Variants in AATK observed in about 807,000 individuals in gnomAD.
The protein encoded by AATK is lemur tail kinase 1, also known as serine/threonine-protein kinase LMTK1.
AATK carries 91 observed loss-of-function variants against 114.3 expected under a neutral mutation model. The observed-to-expected ratio is 0.80, with a 90% CI of 0.67 to 0.95. The LOEUF is 0.95. Ranked by LOEUF, AATK falls within the 40% of genes least tolerant of loss-of-function variation. The probability of loss-of-function intolerance (pLI) is 0.00; values close to 1 mark genes in which losing one functional copy is unlikely to be tolerated. For missense variants in AATK, 2,176 were observed against 1,965.2 expected, an observed-to-expected ratio of 1.11 and a Z score of -2.03; for synonymous variants, 1,075 against 916.5, an observed-to-expected ratio of 1.17 and a Z score of -3.12.
At position 81,122,009 on chromosome 17, in the gene AATK, G is replaced by T; in HGVS notation, c.1927C>A (p.Leu643Met). 6.2e-7 allele frequency: 1 copy of T among 1,601,484 alleles called. No individual in the cohort carries two copies. The highest frequency in any genetic ancestry group is 8.5e-7 in the Non-Finnish European group (1 of 1,179,270). The change falls in exon 11 of 14, where the codon CTG (leucine) becomes ATG (methionine). Residue 643 changes from leucine to methionine, a missense_variant. By Grantham distance (15) the Leu-to-Met change is conservative. Coordinates refer to ENST00000326724, the MANE Select transcript of AATK (RefSeq NM_001080395.3). ...AFCPAFFEDP[L>M]GTSPLGSSGA... is the part of the protein sequence containing the mutation. ...GAGCTCCCCAAAGGGGACGTGCCCA[G>T]TGGGTCCTCGAAGAAGGCAGGACAG...
chr17:81,160,585 C>T (rs1332692829), intron 1 of AATK, among the ~76,000 whole-genome samples: 2 of 152,346 alleles, frequency 1.3e-5, no homozygotes, highest in East Asian at 1.9e-4. Flanking sequence ...CCTCCTGTCA[C>T]TGTGGCCTGC....
At chr17:81,157,620 G>A (rs1228645467) in intron 1 of AATK, among the ~76,000 whole-genome samples, 1 of 152,182 alleles carries the variant, frequency 6.6e-6, no homozygotes, top group African/African-American at 2.4e-5. Flanking sequence ...TCCACCAGCT[G>A]GACACTCACA....
chr17:81,120,977 T>C lies in AATK; in HGVS notation c.2959A>G (p.Asn987Asp), dbSNP rs776443190. The change falls in exon 11 of 14, where the codon AAC (asparagine) becomes GAC (aspartate). Residue 987 changes from asparagine to aspartate, a missense_variant. Transcript: ENST00000326724. ...GAGTCTCGGTAGGGATTCTTCTCGTTGAGGCCACTGAGGGAGGTGGAGAGC... is the reference window on the plus strand; with the variant it reads ...GAGTCTCGGTAGGGATTCTTCTCGTCGAGGCCACTGAGGGAGGTGGAGAGC... ...TRLSTSLSGL[N>D]EKNPYRDSAY... The C allele has an allele frequency of 1.2e-6, 2 of 1,610,246 alleles. No individual in the cohort carries two copies. The highest frequency in any genetic ancestry group is 2.2e-5 in the South Asian group (2 of 90,378).
chr17:81,137,716 C>A (rs1208445104), intron 1 of AATK, among the ~76,000 whole-genome samples: 1 of 152,032 alleles, frequency 6.6e-6, no homozygotes, highest in Non-Finnish European at 1.5e-5. Context: ...TGCACACACA[C>A]CTCATGACAA....
In AATK at chr17:81,126,719, A is replaced by C; in HGVS notation, c.622-159T>G. ...CCCTGCACAGTGGCCAGCACCCAGC[A>C]GTTCCTGGAGGGGGGCCGTGTCCCC... On this transcript the variant is annotated intron_variant, in intron 6 of 13. Coordinates refer to ENST00000326724, the MANE Select transcript of AATK (RefSeq NM_001080395.3). This position sits in a 1 kb window ranked among gnomAD's most constrained non-coding sequence, Gnocchi z 5.1. 1 of 1,419,398 alleles carries C rather than the reference A, an allele frequency of 7.0e-7. No individual in the cohort carries two copies. The allele number at this position is 1,419,398 out of a possible 1,614,324, so 87.9% of individuals were successfully genotyped here. A position where few individuals can be genotyped will look rare whatever the true frequency, so the allele number is the denominator to read the frequency against.
chr17:81,144,601 G>T (rs56193570), intron 1 of AATK, among the ~76,000 whole-genome samples: 1 of 152,240 alleles, frequency 6.6e-6, no homozygotes, highest in African/African-American at 2.4e-5. Flanking sequence ...CCGCACCCCC[G>T]GCCATTCACA....
rs984475678 is a variant in AATK, at chr17:81,165,575, C to A, written c.55+363G>T. 4.7e-6 allele frequency: 6 copies of A among 1,263,382 alleles called. No individual in the cohort carries two copies. The East Asian group carries it at 2.4e-4, about 51-fold the overall frequency. 78.3% of individuals were successfully genotyped at this position (1,263,382 alleles called of 1,614,324 possible). A position where few individuals can be genotyped will look rare whatever the true frequency, so the allele number is the denominator to read the frequency against. ...CGGACCCAGGAGAGGCCATGGAAAG[C>A]CTGAACCCCAGCTGGCTGACACCCC... On this transcript the variant is annotated intron_variant, in intron 1 of 13. Transcript: ENST00000326724.
At chr17:81,155,631 A>G (rs2725410) in intron 1 of AATK, among the ~76,000 whole-genome samples, 121,752 of 151,786 alleles carry the variant, frequency 0.8, 48,876 homozygotes, top group East Asian at 0.85. Context: ...TGATCCATCC[A>G]CCTCGGCCTC....
chr17:81,130,317 G>A (rs1174288355), intron 3 of AATK, among the ~76,000 whole-genome samples: 2 of 152,156 alleles, frequency 1.3e-5, no homozygotes, highest in Non-Finnish European at 2.9e-5. Flanking sequence ...TAGCTCTGGA[G>A]GGACCCGCAC....
chr17:81,164,234 G>C (rs2061459073), intron 1 of AATK, among the ~76,000 whole-genome samples: 1 of 152,236 alleles, frequency 6.6e-6, no homozygotes, highest in South Asian at 2.1e-4. Context: ...AGGACAGCCA[G>C]GCTTGGAAGG....
chr17:81,121,474 T>C lies in AATK; in HGVS notation c.2462A>G (p.Asp821Gly). The C allele has an allele frequency of 6.3e-7, 1 of 1,574,846 alleles. No homozygotes were observed. The highest frequency in any genetic ancestry group is 1.8e-5 in the Admixed American group (1 of 56,434). The change falls in exon 11 of 14, where the codon GAT becomes GGT. Residue 821 changes from aspartate to glycine, a missense_variant. This residue lies in a region of AATK where 1,701 missense variants were observed against 1,394.7 expected (regional missense o/e 1.22). Transcript: ENST00000326724. Reference protein sequence around the residue: ...SEEASAPDAPDALPDSPTPAT... With the variant: ...SEEASAPDAPGALPDSPTPAT... ...AGGCGTGGGAGAGTCAGGCAGGGCA[T>C]CAGGGGCGTCGGGGGCACTGGCCTC...
At chr17:81,131,614 G>C (rs1385197508) in intron 2 of AATK, among the ~76,000 whole-genome samples, 1 of 152,156 alleles carries the variant, frequency 6.6e-6, no homozygotes, top group Non-Finnish European at 1.5e-5. Flanking sequence ...TAGAGGCAGG[G>C]AACCAAGGGA....
chr17:81,135,183 G>A (rs1465040096), intron 1 of AATK, among the ~76,000 whole-genome samples: 1 of 152,206 alleles, frequency 6.6e-6, no homozygotes, highest in African/African-American at 2.4e-5. Context: ...ATCCCAGAGG[G>A]GAACTGACAG....
At chr17:81,124,217 C>T (rs962394178) in intron 9 of AATK, among the ~76,000 whole-genome samples, 1 of 152,134 alleles carries the variant, frequency 6.6e-6, no homozygotes, top group South Asian at 2.1e-4. Flanking sequence ...GGGCGCCCAC[C>T]CCGGGGCGGA....
In AATK at chr17:81,121,381, T is replaced by C. The variant is rs1268312336; in HGVS notation, c.2555A>G (p.Glu852Gly). Residue 852 changes from glutamate (E) to glycine (G), a missense_variant, in exon 11 of 14, where the codon GAG (glutamate) becomes GGG (glycine). By Grantham distance (98) the Glu-to-Gly change is moderately conservative. Transcript: ENST00000326724. The stretch of plus-strand genomic sequence containing the variant: ...ATCCTCACTGCTGGGTGCCTCCACC[T>C]CGGGAGAGCTGCTGCTGCCATTCAG... ...SALNGSSSSPEVEAPSSEDED... is the reference protein window; with the variant it reads ...SALNGSSSSPGVEAPSSEDED... 6.2e-7 allele frequency: 1 copy of C among 1,610,052 alleles called. No individual in the cohort carries two copies. Among genetic ancestry groups the C allele is most frequent in the African/African-American group, 1.3e-5 (1 of 74,356 alleles).
chr17:81,129,312 G>C lies in AATK; in HGVS notation c.335-763C>G, dbSNP rs113455973. On this transcript the variant is annotated intron_variant, in intron 3 of 13. Transcript: ENST00000326724. ...AGAATTGAGCGTGTGGGCCCACCGG[G>C]TGCTGTGTCCTGAGCCCAGCCTGTC... Among the ~76,000 whole-genome samples the C allele has an allele frequency of 6.2e-3, 948 of 152,274 alleles. 8 individuals carry two copies. The highest frequency in any genetic ancestry group is 0.043 in the South Asian group (206 of 4,820).
At chr17:81,133,306 C>T (rs1311406449) in intron 2 of AATK, 2 of 442,116 alleles carry the variant, frequency 4.5e-6, no homozygotes, top group Non-Finnish European at 9.2e-6. Flanking sequence ...GCCAGCGGGA[C>T]AGGTGGGCAG....
chr17:81,137,233 G>C (rs935381810), intron 1 of AATK, among the ~76,000 whole-genome samples: 2 of 151,452 alleles, frequency 1.3e-5, no homozygotes, highest in African/African-American at 4.9e-5. Context: ...ACTCCAGCCT[G>C]GGTGACAGAG....
At chr17:81,154,003 G>A (rs747364309) in intron 1 of AATK, among the ~76,000 whole-genome samples, 5 of 152,080 alleles carry the variant, frequency 3.3e-5, no homozygotes, top group East Asian at 1.9e-4. Context: ...CCTGGGAGGC[G>A]GAGGCTGCAG....
Sources: gnomAD v4.1 joint callset for allele counts (sites outside exome capture counted in the v4.1 genomes callset) on GRCh38, gnomAD v4.1.1 for gene constraint, gnomAD v4.1.1 regional missense constraint, Gnocchi (gnomAD v3.1) non-coding constraint, MANE v1.5 for transcripts, NCBI Gene and HGNC (gene_info 2026-07-23, HGNC 2026-07-21) for gene names.